The following TAF6 variants were observed in gnomAD, a reference collection of about 807,000 sequenced individuals.
The protein encoded by TAF6 is TATA-box binding protein associated factor 6, also known as transcription initiation factor TFIID subunit 6.
A neutral mutation model predicts 73.5 loss-of-function variants in TAF6; 50 were observed. That is an observed-to-expected ratio of 0.68 (90% CI 0.54 to 0.86). The LOEUF (loss-of-function observed/expected upper bound fraction) is 0.86. TAF6 is among the 40% of genes least tolerant of loss of function. The probability of loss-of-function intolerance (pLI) is 0.00; values close to 1 mark genes in which losing one functional copy is unlikely to be tolerated. For missense variants in TAF6, 768 were observed against 899.5 expected, an observed-to-expected ratio of 0.85 and a Z score of 1.87; for synonymous variants, 424 against 376.7, an observed-to-expected ratio of 1.13 and a Z score of -1.45.
upstream of TAF6, chr7:100,122,958 G>A (rs756572556): frequency 1.3e-6 from 2 of 1,566,122 alleles, no homozygotes; most frequent in Non-Finnish European, 8.7e-7. Context: ...ACCTGAGAGG[G>A]GAGCTAGGTT....
At chr7:100,113,056 G>C in intron 5 of TAF6, 139 bp from the exon 6 acceptor site, 1 of 1,254,278 alleles carries the variant, frequency 8.0e-7, no homozygotes, top group Admixed American at 2.3e-5. Context: ...CCTCAGGTCA[G>C]AAGTTCGAGA....
At chr7:100,115,535 G>GCA in intron 1 of TAF6, 1 of 152,028 alleles carries the variant, frequency 6.6e-6, no homozygotes, top group Non-Finnish European at 1.5e-5. Context: ...GGTGGCGCGT[G>GCA]CCTGTAATCC....
At chr7:100,124,915 G>A in the TAF6 span, 2 of 1,561,554 alleles carry the variant, frequency 1.3e-6, no homozygotes, top group Non-Finnish European at 1.7e-6. Context: ...CCCAGGAGGG[G>A]AAGGGATCAT....
At chr7:100,113,208 A>G (rs1797358928) in intron 5 of TAF6, 141 bp downstream of exon 5, 3 of 863,940 alleles carry the variant, frequency 3.5e-6, no homozygotes, top group Non-Finnish European at 1.7e-6. Flanking sequence ...ACAGGTTTGC[A>G]GTGAGCCAAG....
At chr7:100,115,821 AC>A (rs1244706557) in intron 1 of TAF6, among the ~76,000 whole-genome samples, 1 of 151,520 alleles carries the variant, frequency 6.6e-6, no homozygotes, top group East Asian at 1.9e-4. Context: ...AAATACAAAA[AC>A]TAGCTTGGCG....
rs533372931 is a variant in TAF6, at chr7:100,107,179, C to T, written c.*67G>A. On this transcript the variant is annotated 3_prime_UTR_variant, in exon 15 of 15. Transcript: ENST00000453269. The stretch of plus-strand genomic sequence containing the variant: ...AACTTCCTTCCGCTTAGCGAGCATG[C>T]ATGTGTGTACGTGCACGTGTGTACA... The T allele has an allele frequency of 1.3e-6, 2 of 1,517,322 alleles. No individual in the cohort carries two copies. The highest frequency in any genetic ancestry group is 2.7e-5 in the South Asian group (2 of 75,356). 94.0% of individuals were successfully genotyped at this position (1,517,322 alleles called of 1,614,324 possible). A position where few individuals can be genotyped will look rare whatever the true frequency, so the allele number is the denominator to read the frequency against.
intron 9 of TAF6, 43 bp downstream of exon 9, chr7:100,111,685 G>C (rs375962157): frequency 2.3e-4 from 364 of 1,596,328 alleles, no homozygotes; most frequent in Admixed American, 4.3e-4. Flanking sequence ...GGTGGCAGCA[G>C]GGTCCCTAGT....
chr7:100,107,392 G>T lies in TAF6; in HGVS notation c.1888C>A (p.Pro630Thr), dbSNP rs975863232. 1.3e-6 allele frequency: 2 copies of T among 1,598,790 alleles called. No homozygotes were observed. The highest frequency in any genetic ancestry group is 1.7e-4 in the Middle Eastern group (1 of 5,980). ...AGTGGGGACGGGGACGATGCCGGGG[G>T]AGGAACTGGAGAAGGATGGGAGGTG... Reference protein sequence around the residue: ...GPTSHPSPVPPPASSPSPLSG... With the variant: ...GPTSHPSPVPTPASSPSPLSG... The change falls in exon 15 of 15, where the codon CCC becomes ACC. Residue 630 changes from proline to threonine, a missense_variant. Coordinates refer to ENST00000453269, the MANE Select transcript of TAF6 (RefSeq NM_139315.3).
At position 100,107,273 on chromosome 7, in the gene TAF6, G is replaced by A. The variant is rs1796611804; in HGVS notation, c.2007C>T (p.Asn669=). 3 of 1,523,630 alleles carry A rather than the reference G, an allele frequency of 2.0e-6. No individual in the cohort carries two copies. Among genetic ancestry groups the A allele is most frequent in the Admixed American group, 2.2e-5 (1 of 44,928 alleles). The allele number at this position is 1,523,630 out of a possible 1,614,324, so 94.4% of individuals were successfully genotyped here. ...GTPKANGSQP[N]SGSPQPAP Reference sequence around the variant, plus strand: ...ACGGAGCAGGCTGAGGGGAGCCGGAGTTGGGCTGGGAGCCATTGGCTTTTG... The same window carrying A: ...ACGGAGCAGGCTGAGGGGAGCCGGAATTGGGCTGGGAGCCATTGGCTTTTG... Residue 669 remains asparagine (N), a synonymous_variant, in exon 15 of 15, where the codon AAC becomes AAT. Transcript: ENST00000453269.
At position 100,111,275 on chromosome 7, in the gene TAF6, T is replaced by C; in HGVS notation, c.947A>G (p.Gln316Arg). 1 of 1,614,232 alleles carries C rather than the reference T, an allele frequency of 6.2e-7. No homozygotes were observed. Among genetic ancestry groups the C allele is most frequent in the Non-Finnish European group, 8.5e-7 (1 of 1,180,036 alleles). ...GTCCACATCTGGTCGCAGGCACAAC[T>C]GTCTGCTCACGATGCAGGTCATCAC... ...PAVMTCIVSRQLCLRPDVDNH... is the reference protein window; with the variant it reads ...PAVMTCIVSRRLCLRPDVDNH... The change falls in exon 10 of 15, where the codon CAG (glutamine) becomes CGG (arginine). Residue 316 changes from glutamine (Q) to arginine (R), a missense_variant. Coordinates refer to ENST00000453269, the MANE Select transcript of TAF6 (RefSeq NM_139315.3).
At chr7:100,125,013 T>C in the TAF6 span, 1 of 1,148,104 alleles carries the variant, frequency 8.7e-7, no homozygotes, top group Non-Finnish European at 1.2e-6. Context: ...GTAGCTGTTC[T>C]CTCCCATCTA....
chr7:100,112,488 G>A (rs1350675842), intron 6 of TAF6, among the ~76,000 whole-genome samples: 5 of 152,112 alleles, frequency 3.3e-5, no homozygotes, highest in African/African-American at 4.8e-5. Context: ...CAAGGCGGGC[G>A]GATCACATGA....
Position 100,111,685 on chromosome 7 carries a change from G to A in TAF6, c.900+43C>T, listed in dbSNP as rs375962157. On this transcript the variant is annotated intron_variant, in intron 9 of 14. Coordinates refer to ENST00000453269, the MANE Select transcript of TAF6 (RefSeq NM_139315.3). ...CACTGACTTCCTGTTGGTGGCAGCA[G>A]GGTCCCTAGTCCCTGGAAGGGAGGA... The A allele has an allele frequency of 5.6e-6, 9 of 1,596,330 alleles. No homozygotes were observed. In the African/African-American group the frequency reaches 1.2e-4, roughly 21 times the overall value.
At chr7:100,115,092 C>T (rs1797565308) in intron 1 of TAF6, 1 of 152,224 alleles carries the variant, frequency 6.6e-6, no homozygotes, top group Admixed American at 6.5e-5. Flanking sequence ...AACTGCTGGG[C>T]TCACGCAGTC....
At chr7:100,123,473 G>C (rs1382895948), upstream of TAF6, among the ~76,000 whole-genome samples, 1 of 152,130 alleles carries the variant, frequency 6.6e-6, no homozygotes, top group Admixed American at 6.6e-5. Flanking sequence ...TTAGAGACCA[G>C]CTTGTGCAAC....
rs1377049489 is a variant in TAF6, at chr7:100,112,164, G to A, written c.664C>T (p.Leu222Phe). The A allele has an allele frequency of 6.2e-7, 1 of 1,614,130 alleles. No homozygotes were observed. The highest frequency in any genetic ancestry group is 1.7e-5 in the Admixed American group (1 of 60,006). Residue 222 changes from leucine to phenylalanine, a missense_variant, in exon 7 of 15, where the codon CTC becomes TTC. Leu to Phe is a conservative substitution (Grantham distance 22). Around this residue, in one of 5 missense-constraint regions of TAF6, gnomAD observed 78 missense variants for 153.4 expected, o/e 0.51. Coordinates refer to ENST00000453269, the MANE Select transcript of TAF6 (RefSeq NM_139315.3). ...SIHELSVEQQ[L>F]YYKEITEACV... The stretch of plus-strand genomic sequence containing the variant: ...GCCTCGGTGATCTCCTTGTAGTAGA[G>A]CTGCTGCTCCACAGACAACTCGTGG...
At chr7:100,111,455 C>G in intron 9 of TAF6, 134 bp from the exon 10 acceptor site, 1 of 1,141,426 alleles carries the variant, frequency 8.8e-7, no homozygotes, top group Non-Finnish European at 1.2e-6. Flanking sequence ...CGGGCTCAAG[C>G]AATTCTCCCA....
intron 1 of TAF6, among the ~76,000 whole-genome samples, chr7:100,116,083 A>G (rs1027571149): frequency 6.6e-6 from 1 of 152,048 alleles, no homozygotes; most frequent in East Asian, 1.9e-4. Context: ...AACAATGTCA[A>G]CCGGAGTCTA....
upstream of TAF6, chr7:100,121,110 ATATATATTTTTTTTTTTTTTTTTTTTT>A (rs1798038951): frequency 3.5e-5 from 1 of 28,398 alleles, no homozygotes; most frequent in South Asian, 1.2e-3. Flanking sequence ...ATATATATAT[ATATATATTTTTTTTTTTTTTTTTTTTT>A]TTTTTTTTTT....
Sources: allele counts gnomAD v4.1 joint callset (sites outside exome capture counted in the v4.1 genomes callset), GRCh38; gene constraint gnomAD v4.1.1; regional missense constraint gnomAD v4.1.1; transcripts MANE v1.5; gene names NCBI Gene and HGNC (gene_info 2026-07-23, HGNC 2026-07-21).